The following APOLD1 variants were observed in gnomAD, a reference collection of about 807,000 sequenced individuals.
APOLD1 encodes the protein apolipoprotein L domain containing 1.
A neutral mutation model predicts 15.3 loss-of-function variants in APOLD1; 22 were observed. That is an observed-to-expected ratio of 1.44 (90% CI 1.03 to 2.05). The LOEUF (loss-of-function observed/expected upper bound fraction) is 2.05, where lower values mean the gene tolerates loss of function less well. Ranked by LOEUF, APOLD1 falls within the 30% of genes most tolerant of loss-of-function variation. The pLI is 0.00. For missense variants in APOLD1, 394 were observed against 353.5 expected (o/e 1.11, Z -0.92); for synonymous variants, 190 against 167.4 (o/e 1.13, Z -1.04).
chr12:12,763,190 T>G (rs575320589), intron 1 of APOLD1, among the ~76,000 whole-genome samples: 1 of 152,308 alleles, frequency 6.6e-6, no homozygotes, highest in East Asian at 1.9e-4. Context: ...GCATGATGTT[T>G]AGATATATGT....
rs145923795 is a variant in APOLD1, at chr12:12,773,355, G to A, written c.97-13554G>A. ...GTGGGAAGATTGCTTGAGGCCAGGA[G>A]TTCAAGAACCAGGGTGGGCAACATA... is the stretch of plus-strand genomic sequence containing the variant. On this transcript the variant is annotated intron_variant, in intron 1 of 1. Coordinates refer to the APOLD1 transcript ENST00000326765. Among the ~76,000 whole-genome samples, 145 of 152,224 alleles carry A rather than the reference G, an allele frequency of 9.5e-4. 1 individual carries two copies. The highest frequency in any genetic ancestry group is 6.4e-3 in the East Asian group (33 of 5,172).
chr12:12,738,202 C>CT (rs71436733), intron 1 of APOLD1, among the ~76,000 whole-genome samples: 39,128 of 117,478 alleles, frequency 0.33, 7,852 homozygotes, highest in Admixed American at 0.41. Context: ...CAAGCAAGTC[C>CT]TTTTTTTTTT....
intron 1 of APOLD1, among the ~76,000 whole-genome samples, chr12:12,727,635 C>T (rs1946603257): frequency 1.3e-5 from 2 of 151,990 alleles, no homozygotes; most frequent in South Asian, 2.1e-4. Context: ...GATAGAGTCT[C>T]CCTGTCATCC....
At chr12:12,753,298 A>G (rs545831466) in intron 1 of APOLD1, among the ~76,000 whole-genome samples, 1 of 152,230 alleles carries the variant, frequency 6.6e-6, no homozygotes. Context: ...CATTAAAGAA[A>G]TGTGAAAGGG....
chr12:12,773,162 T>C (rs533692836), intron 1 of APOLD1, among the ~76,000 whole-genome samples: 81 of 152,326 alleles, frequency 5.3e-4, no homozygotes, highest in Middle Eastern at 3.4e-3. Flanking sequence ...AGGGAAATTT[T>C]TGTAGCATTG....
intron 1 of APOLD1, among the ~76,000 whole-genome samples, chr12:12,775,751 G>A (rs1947026856): frequency 6.6e-6 from 1 of 152,136 alleles, no homozygotes; most frequent in African/African-American, 2.4e-5. Flanking sequence ...TGTAATCCCA[G>A]CACTTTTGGA....
At chr12:12,730,852 A>G (rs1946634651) in intron 1 of APOLD1, among the ~76,000 whole-genome samples, 1 of 150,960 alleles carries the variant, frequency 6.6e-6, no homozygotes, top group Non-Finnish European at 1.5e-5. Context: ...TTTGTAAACA[A>G]TCAAATTGGC....
At chr12:12,746,154 A>G (rs936391393) in intron 1 of APOLD1, among the ~76,000 whole-genome samples, 1 of 152,134 alleles carries the variant, frequency 6.6e-6, no homozygotes, top group African/African-American at 2.4e-5. Flanking sequence ...TGGGAATCCA[A>G]GAAGGCTTAA....
chr12:12,761,242 T>C (rs1946896371), intron 1 of APOLD1, among the ~76,000 whole-genome samples: 1 of 152,238 alleles, frequency 6.6e-6, no homozygotes, highest in African/African-American at 2.4e-5. Context: ...ATAAAGCTGA[T>C]TGAAGGATTA....
In APOLD1 at chr12:12,767,029, G is replaced by A. The variant is rs11055053; in HGVS notation, c.97-19880G>A. Reference sequence around the variant, plus strand: ...GGGAGGCCAAGGTGGGTGGATCACCGGAGGTCAGGAGTTCGAGACCAGCCT... The same window carrying A: ...GGGAGGCCAAGGTGGGTGGATCACCAGAGGTCAGGAGTTCGAGACCAGCCT... On this transcript the variant is annotated intron_variant, in intron 1 of 1. Transcript: ENST00000326765. Among the ~76,000 whole-genome samples the A allele has an allele frequency of 4.8e-3, 723 of 151,252 alleles. 5 individuals are homozygous for A. Among genetic ancestry groups the A allele is most frequent in the Non-Finnish European group, 7.3e-3 (494 of 67,640 alleles).
chr12:12,762,424 G>A (rs557475720), intron 1 of APOLD1, among the ~76,000 whole-genome samples: 6 of 151,734 alleles, frequency 4.0e-5, no homozygotes, highest in South Asian at 4.2e-4. Flanking sequence ...GCACTATCTC[G>A]GCTCACTGCA....
Position 12,769,846 on chromosome 12 carries a change from T to C in APOLD1, c.97-17063T>C, listed in dbSNP as rs79246533. On this transcript the variant is annotated intron_variant, in intron 1 of 1. Coordinates refer to the APOLD1 transcript ENST00000326765. ...CAGAGACATAGGCTCACTAAAAGACTGAGACCTAATTATCGGACTGTAGAA... is the reference window on the plus strand; with the variant it reads ...CAGAGACATAGGCTCACTAAAAGACCGAGACCTAATTATCGGACTGTAGAA... Among the ~76,000 whole-genome samples, 240 of 152,230 alleles carry C rather than the reference T, an allele frequency of 1.6e-3. 1 individual carries two copies. Among genetic ancestry groups the C allele is most frequent in the Non-Finnish European group, 2.7e-3 (185 of 68,018 alleles).
At position 12,787,269 on chromosome 12, in the gene APOLD1, G is replaced by T; in HGVS notation, c.364G>T (p.Glu122Ter). ...CNSRELRRVQ[E>*]IAATCQDQMR... ...CTCCCGGGAGCTGCGGAGGGTGCAG[G>T]AGATCGCGGCCACCTGCCAGGACCA... The change falls in exon 2 of 2, where the codon GAG becomes TAG. Residue 122 changes from glutamate (E) to a stop codon, truncating the protein, a stop_gained. Transcript: ENST00000356591. LOFTEE classifies it high-confidence loss of function. This position sits in a 1 kb window ranked among gnomAD's most constrained non-coding sequence, Gnocchi z 4.9. 1 of 1,597,792 alleles carries T rather than the reference G, an allele frequency of 6.3e-7. No homozygotes were observed. Among genetic ancestry groups the T allele is most frequent in the Non-Finnish European group, 8.5e-7 (1 of 1,173,630 alleles).
intron 1 of APOLD1, among the ~76,000 whole-genome samples, chr12:12,763,287 T>C (rs1376393106): frequency 6.6e-6 from 1 of 152,118 alleles, no homozygotes; most frequent in Non-Finnish European, 1.5e-5. Context: ...ATTTAAAAAC[T>C]ACCCTCTTAA....
At chr12:12,729,962 TC>T (rs900547222) in intron 1 of APOLD1, among the ~76,000 whole-genome samples, 4 of 151,174 alleles carry the variant, frequency 2.6e-5, no homozygotes, top group African/African-American at 9.7e-5. Flanking sequence ...GCTCAAGTGA[TC>T]CCCCTGCCTT....
chr12:12,791,008 T>G lies in APOLD1; in HGVS notation c.*3356T>G, dbSNP rs1021362601. The stretch of plus-strand genomic sequence containing the variant: ...AATAGGTATGTTTGTTCTAAATGTT[T>G]AAGTGCTTCTCTGTTAGGTTCTGGG... On this transcript the variant is annotated 3_prime_UTR_variant, in exon 2 of 2. Transcript: ENST00000356591. 1 of 152,252 alleles carries G rather than the reference T, an allele frequency of 6.6e-6. No homozygotes were observed. The highest frequency in any genetic ancestry group is 2.4e-5 in the African/African-American group (1 of 41,470). The allele number at this position is 152,252 out of a possible 1,614,324, so 9.4% of individuals were successfully genotyped here. A position where few individuals can be genotyped will look rare whatever the true frequency, so the allele number is the denominator to read the frequency against.
chr12:12,782,436 C>G (rs933185076), upstream of APOLD1, among the ~76,000 whole-genome samples: 7 of 152,186 alleles, frequency 4.6e-5, no homozygotes, highest in Admixed American at 3.3e-4. Context: ...AAAGCTCTTT[C>G]TCGTCCTTCC....
chr12:12,732,453 GA>G (rs1946646997), intron 1 of APOLD1, among the ~76,000 whole-genome samples: 1 of 152,168 alleles, frequency 6.6e-6, no homozygotes, highest in Admixed American at 6.5e-5. Context: ...ATGTGTTATG[GA>G]AACTTTACAC....
At chr12:12,750,342 A>T (rs1373500192) in intron 1 of APOLD1, among the ~76,000 whole-genome samples, 1 of 130,018 alleles carries the variant, frequency 7.7e-6, no homozygotes, top group Non-Finnish European at 1.6e-5. Context: ...ATTGCATTTC[A>T]GCCTGGTCAA....
Sources: gnomAD v4.1 joint callset for allele counts (sites outside exome capture counted in the v4.1 genomes callset) on GRCh38, gnomAD v4.1.1 for gene constraint, Gnocchi (gnomAD v3.1) non-coding constraint, MANE v1.5 for transcripts, NCBI Gene and HGNC (gene_info 2026-07-23, HGNC 2026-07-21) for gene names.